NEK10: variants seen among roughly 807,000 people sequenced by gnomAD.
NEK10 encodes serine/threonine-protein kinase Nek10.
NEK10 carries 122 observed loss-of-function variants against 159.8 expected under a neutral mutation model. That is an observed-to-expected ratio of 0.76 (90% CI 0.66 to 0.89). The LOEUF (loss-of-function observed/expected upper bound fraction) is 0.89. NEK10 is among the 40% of genes least tolerant of loss of function. NEK10 has a pLI of 0.00. For synonymous variants in NEK10, 466 were observed against 457.1 expected (o/e 1.02, Z -0.25); for missense variants, 1,342 against 1,323.1 (o/e 1.01, Z -0.22).
chr3:27,275,109 C>T (rs2041674129), intron 22 of NEK10, among the ~76,000 whole-genome samples: 1 of 152,194 alleles, frequency 6.6e-6, no homozygotes, highest in African/African-American at 2.4e-5. Flanking sequence ...AATTTGGTGT[C>T]TCCTTCTGTG....
intron 16 of NEK10, among the ~76,000 whole-genome samples, chr3:27,292,742 G>C (rs540497252): frequency 7.0e-6 from 1 of 142,628 alleles, no homozygotes; most frequent in African/African-American, 2.7e-5. Context: ...GCTGAGGCAG[G>C]AGAAGCAACA....
intron 3 of NEK10, among the ~76,000 whole-genome samples, 191 bp downstream of exon 3, chr3:27,352,274 C>T (rs950232341): frequency 6.6e-6 from 1 of 152,090 alleles, no homozygotes; most frequent in Admixed American, 6.6e-5. Context: ...GCCTGAGAGA[C>T]GAATGTGGAT....
intron 23 of NEK10, among the ~76,000 whole-genome samples, chr3:27,213,737 C>T (rs1951229257): frequency 6.6e-6 from 1 of 152,066 alleles, no homozygotes; most frequent in Admixed American, 6.6e-5. Flanking sequence ...GAATAAGATA[C>T]CAAATTCCAA....
At chr3:27,294,328 T>C (rs2043197521) in intron 15 of NEK10, among the ~76,000 whole-genome samples, 1 of 152,340 alleles carries the variant, frequency 6.6e-6, no homozygotes. Flanking sequence ...GTGAATCAAA[T>C]CTGGGATCAT....
In NEK10 at chr3:27,307,949, T is replaced by G. The variant is rs766904400; in HGVS notation, c.717-4A>C. ...TATCTTCTCCCTACATTCTTGACTA[T>G]AAATTGAAAAATATTAGCAATTACT... is the stretch of plus-strand genomic sequence containing the variant. On this transcript the variant is annotated splice_region_variant and splice_polypyrimidine_tract_variant and intron_variant, in intron 10 of 35. Coordinates refer to ENST00000691995, the MANE Select transcript of NEK10 (RefSeq NM_001394966.1). 7.1e-7 allele frequency: 1 copy of G among 1,400,928 alleles called. No homozygotes were observed. The highest frequency in any genetic ancestry group is 1.7e-5 in the Admixed American group (1 of 58,458). The allele number at this position is 1,400,928 out of a possible 1,614,324, so 86.8% of individuals were successfully genotyped here. A position where few individuals can be genotyped will look rare whatever the true frequency, so the allele number is the denominator to read the frequency against.
At chr3:27,289,632 A>G (rs2042860390) in intron 19 of NEK10, among the ~76,000 whole-genome samples, 1 of 152,232 alleles carries the variant, frequency 6.6e-6, no homozygotes, top group Non-Finnish European at 1.5e-5. Flanking sequence ...ACTAAAACCA[A>G]ATTTGGGTCC....
chr3:27,124,813 G>A (rs1207381727), intron 32 of NEK10, among the ~76,000 whole-genome samples: 1 of 152,234 alleles, frequency 6.6e-6, no homozygotes, highest in East Asian at 1.9e-4. Context: ...CACCCAGCAG[G>A]TGGAAATATG....
intron 4 of NEK10, among the ~76,000 whole-genome samples, chr3:27,345,722 C>T (rs1013700214): frequency 3.3e-5 from 5 of 152,206 alleles, no homozygotes; most frequent in African/African-American, 9.7e-5. Flanking sequence ...TTAACCACCA[C>T]ATCTGTTCAC....
chr3:27,365,441 T>G (rs1231913894), intron 1 of NEK10, among the ~76,000 whole-genome samples: 10 of 152,200 alleles, frequency 6.6e-5, no homozygotes, highest in Admixed American at 5.2e-4. Context: ...ATGCCAACTG[T>G]ATGGACTTAA....
At chr3:27,124,346 G>T (rs1021249692) in intron 32 of NEK10, among the ~76,000 whole-genome samples, 2 of 152,124 alleles carry the variant, frequency 1.3e-5, no homozygotes, top group Non-Finnish European at 1.5e-5. Context: ...AGACTAGATG[G>T]CAACCAAAGG....
In NEK10 at chr3:27,113,602, C is replaced by T. The variant is rs537644505; in HGVS notation, c.3300-2282G>A. On this transcript the variant is annotated intron_variant, in intron 35 of 35. Transcript: ENST00000691995. ...TCATCATACCTTCATAATAGATTCA[C>T]AATTACAAATATAACTGAATAATTT... is the stretch of plus-strand genomic sequence containing the variant. Among the ~76,000 whole-genome samples, 4 of 152,136 alleles carry T rather than the reference C, an allele frequency of 2.6e-5. No homozygotes were observed. In the East Asian group the frequency reaches 7.7e-4, roughly 29 times the overall value.
At chr3:27,293,999 T>C (rs537664625) in intron 15 of NEK10, among the ~76,000 whole-genome samples, 32 of 152,366 alleles carry the variant, frequency 2.1e-4, no homozygotes, top group African/African-American at 7.5e-4. Context: ...CAAGGTTTAT[T>C]TTGTTTCTAG....
At chr3:27,121,299 G>A (rs542908575) in intron 32 of NEK10, among the ~76,000 whole-genome samples, 2 of 152,336 alleles carry the variant, frequency 1.3e-5, no homozygotes, top group Non-Finnish European at 2.9e-5. Flanking sequence ...ACGGTTCAGT[G>A]TTGGAGAAAA....
chr3:27,305,801 G>T (rs926902337), intron 11 of NEK10, among the ~76,000 whole-genome samples: 7 of 152,002 alleles, frequency 4.6e-5, no homozygotes, highest in Non-Finnish European at 1.0e-4. Flanking sequence ...AAGACACAAG[G>T]TTCAGCTGTG....
intron 30 of NEK10, among the ~76,000 whole-genome samples, chr3:27,152,524 C>A (rs1944980335): frequency 6.6e-6 from 1 of 152,004 alleles, no homozygotes; most frequent in South Asian, 2.1e-4. Context: ...CCTGGAAACA[C>A]ATCAAAACAG....
chr3:27,151,117 G>A (rs1699056946), intron 30 of NEK10, among the ~76,000 whole-genome samples: 1 of 152,094 alleles, frequency 6.6e-6, no homozygotes, highest in Admixed American at 6.5e-5. Context: ...GAGTTCTAAG[G>A]CCTCACACAC....
Position 27,352,464 on chromosome 3 carries a change from C to G in NEK10, c.132+1G>C, listed in dbSNP as rs2149823379. ...AAGTGAACATTCTTTGAAAACGCTA[C>G]CTGTTGTTTGCTTGATTGGACGTTC... On this transcript the variant is annotated splice_donor_variant, in intron 3 of 35. Coordinates refer to ENST00000691995, the MANE Select transcript of NEK10 (RefSeq NM_001394966.1). LOFTEE classifies it high-confidence loss of function. 6.2e-7 allele frequency: 1 copy of G among 1,604,604 alleles called. No homozygotes were observed. The highest frequency in any genetic ancestry group is 2.2e-5 in the East Asian group (1 of 44,830).
At position 27,108,188 on chromosome 3, in the gene NEK10, GT is replaced by G. The variant is rs1276196415; in HGVS notation, c.*3083del. Reference sequence around the variant, plus strand: ...TCATTTGAGTAAATTTCCTAACAGTGTTTCTTAATTGTGTTCTGCTTTAGAA... The same window carrying G: ...TCATTTGAGTAAATTTCCTAACAGTGTTCTTAATTGTGTTCTGCTTTAGAA... On this transcript the variant is annotated 3_prime_UTR_variant, in exon 36 of 36. Transcript: ENST00000691995. 6.6e-6 allele frequency among the ~76,000 whole-genome samples: 1 copy of G among 152,172 alleles called. No individual in the cohort carries two copies. Among genetic ancestry groups the G allele is most frequent in the African/African-American group, 2.4e-5 (1 of 41,442 alleles).
intron 23 of NEK10, among the ~76,000 whole-genome samples, chr3:27,207,562 A>C (rs1285368243): frequency 6.6e-6 from 1 of 152,182 alleles, no homozygotes; most frequent in Non-Finnish European, 1.5e-5. Context: ...AGAAATAAAT[A>C]AAAATAGACT....
Sources: allele counts gnomAD v4.1 joint callset (sites outside exome capture counted in the v4.1 genomes callset), GRCh38; gene constraint gnomAD v4.1.1; transcripts MANE v1.5; gene names NCBI Gene and HGNC (gene_info 2026-07-23, HGNC 2026-07-21).